ELOVL2: variants seen among roughly 807,000 people sequenced by gnomAD.
The protein encoded by ELOVL2 is ELOVL fatty acid elongase 2, also known as very long chain fatty acid elongase 2.
ELOVL2 carries 38 observed loss-of-function variants against 37.7 expected under a neutral mutation model. That is an observed-to-expected ratio of 1.01 (90% CI 0.78 to 1.32). The LOEUF is 1.32. Among genes scored for constraint, ELOVL2 ranks in the 40% most tolerant of loss-of-function variants. The pLI is 0.00. For missense variants in ELOVL2, 352 were observed against 363.6 expected, an observed-to-expected ratio of 0.97 and a Z score of 0.26; for synonymous variants, 115 against 122.3, an observed-to-expected ratio of 0.94 and a Z score of 0.40.
intron 1 of ELOVL2, among the ~76,000 whole-genome samples, chr6:11,036,747 C>G (rs1783011393): frequency 6.6e-6 from 1 of 152,160 alleles, no homozygotes; most frequent in Non-Finnish European, 1.5e-5. Context: ...GTATTGGCTT[C>G]CTGTTTGTCC....
intron 1 of ELOVL2, among the ~76,000 whole-genome samples, chr6:11,024,085 T>C (rs1782807038): frequency 6.6e-6 from 1 of 152,184 alleles, no homozygotes; most frequent in Non-Finnish European, 1.5e-5. Flanking sequence ...GACAACTCTA[T>C]GGAGGGAGGG....
At chr6:10,995,776 CTA>C (rs911210435) in intron 4 of ELOVL2, among the ~76,000 whole-genome samples, 11 of 152,238 alleles carry the variant, frequency 7.2e-5, no homozygotes, top group Non-Finnish European at 1.5e-4. Flanking sequence ...TGTTACGAAT[CTA>C]TCAATAGATT....
intron 1 of ELOVL2, among the ~76,000 whole-genome samples, chr6:11,035,514 G>A (rs1181237113): frequency 1.3e-5 from 2 of 152,146 alleles, no homozygotes; most frequent in African/African-American, 2.4e-5. Flanking sequence ...GAGTACTGTG[G>A]TGTCACACAG....
At chr6:10,992,725 T>C (rs1581860084) in intron 5 of ELOVL2, among the ~76,000 whole-genome samples, 2 of 149,316 alleles carry the variant, frequency 1.3e-5, no homozygotes, top group Non-Finnish European at 3.0e-5. Flanking sequence ...GAGGCAGAGG[T>C]TGCAGTGAGC....
chr6:10,990,208 A>C, intron 6 of ELOVL2, 110 bp downstream of exon 6: 1 of 1,418,746 alleles, frequency 7.0e-7, no homozygotes, highest in Non-Finnish European at 9.5e-7. Context: ...TTTTGGAAAA[A>C]AAATGGGCAG....
chr6:11,022,337 C>T (rs189416110), intron 1 of ELOVL2, among the ~76,000 whole-genome samples: 4 of 152,214 alleles, frequency 2.6e-5, no homozygotes, highest in Admixed American at 2.0e-4. Context: ...AGCAGGCAGC[C>T]GGCACTCCAC....
intron 4 of ELOVL2, among the ~76,000 whole-genome samples, chr6:10,999,777 C>T (rs144416757): frequency 1.4e-4 from 22 of 152,270 alleles, no homozygotes; most frequent in Admixed American, 4.6e-4. Flanking sequence ...AGGGTGCTAT[C>T]CTATAAACAC....
chr6:11,032,342 CAAAAAAAAAA>C (rs4053074), intron 1 of ELOVL2, among the ~76,000 whole-genome samples: 19 of 119,218 alleles, frequency 1.6e-4, no homozygotes, highest in African/African-American at 5.1e-4. Flanking sequence ...GTTTCCTATA[CAAAAAAAAAA>C]AAAAAAAAAA....
chr6:11,020,230 GAAAT>G (rs1457453022), intron 1 of ELOVL2, among the ~76,000 whole-genome samples: 5 of 152,020 alleles, frequency 3.3e-5, no homozygotes, highest in Non-Finnish European at 2.9e-5. Context: ...CTATCCACTT[GAAAT>G]AAAAGGTGAG....
chr6:11,031,207 C>T lies in ELOVL2; in HGVS notation c.3+13021G>A, dbSNP rs763746228. Reference sequence around the variant, plus strand: ...CCACCTCCTTACTAATGGATATATTCGGTTATTTCCCATTTTTCTGCTATT... The same window carrying T: ...CCACCTCCTTACTAATGGATATATTTGGTTATTTCCCATTTTTCTGCTATT... On this transcript the variant is annotated intron_variant, in intron 1 of 7. Transcript: ENST00000354666. 5.9e-5 allele frequency among the ~76,000 whole-genome samples: 9 copies of T among 152,146 alleles called. No individual in the cohort carries two copies. The South Asian group carries it at 1.0e-3, about 18-fold the overall frequency.
chr6:11,023,413 A>G (rs1488873409), intron 1 of ELOVL2, among the ~76,000 whole-genome samples: 1 of 152,200 alleles, frequency 6.6e-6, no homozygotes, highest in African/African-American at 2.4e-5. Flanking sequence ...TGGAAAAAAT[A>G]TGGGCCAAAT....
intron 1 of ELOVL2, among the ~76,000 whole-genome samples, chr6:11,016,172 T>TG (rs1782682513): frequency 6.6e-6 from 1 of 152,170 alleles, no homozygotes; most frequent in Non-Finnish European, 1.5e-5. Context: ...CTTCCCCTTC[T>TG]CCCTTCCTTT....
intron 5 of ELOVL2, among the ~76,000 whole-genome samples, chr6:10,990,667 G>GCCCCCC (rs372558428): frequency 5.6e-5 from 8 of 143,108 alleles, no homozygotes; most frequent in African/African-American, 2.1e-4. Context: ...TTTTCAGAAT[G>GCCCCCC]CCCCCCCCCC....
intron 2 of ELOVL2, among the ~76,000 whole-genome samples, chr6:11,009,634 A>G (rs1028140689): frequency 3.7e-4 from 57 of 152,224 alleles, no homozygotes; most frequent in African/African-American, 1.3e-3. Flanking sequence ...ATAGCACGTA[A>G]AAGAATTTTA....
chr6:10,999,716 T>C (rs1265789445), intron 4 of ELOVL2, among the ~76,000 whole-genome samples: 1 of 152,186 alleles, frequency 6.6e-6, no homozygotes, highest in Non-Finnish European at 1.5e-5. Context: ...CTCGTTTCTT[T>C]TTAAAAATAT....
chr6:11,001,230 G>C (rs1782374776), intron 3 of ELOVL2, among the ~76,000 whole-genome samples: 3 of 152,180 alleles, frequency 2.0e-5, no homozygotes, highest in Admixed American at 6.5e-5. Context: ...CTTCTTCACT[G>C]TCCTGATATA....
intron 1 of ELOVL2, among the ~76,000 whole-genome samples, chr6:11,023,374 A>G (rs1782792497): frequency 2.0e-5 from 3 of 152,236 alleles, no homozygotes; most frequent in African/African-American, 7.2e-5. Context: ...TTTGAATATG[A>G]AAACAAAGGA....
intron 1 of ELOVL2, among the ~76,000 whole-genome samples, chr6:11,039,618 A>G (rs1783070159): frequency 6.8e-6 from 1 of 147,420 alleles, no homozygotes; most frequent in African/African-American, 2.7e-5. Context: ...GAAACATAAA[A>G]TAAATAGTCA....
intron 2 of ELOVL2, among the ~76,000 whole-genome samples, chr6:11,006,806 A>G (rs1165785314): frequency 2.6e-5 from 4 of 152,268 alleles, no homozygotes; most frequent in Admixed American, 6.5e-5. Flanking sequence ...ATCACCTGTC[A>G]TAAGTCTGTG....
Sources: allele counts gnomAD v4.1 joint callset (sites outside exome capture counted in the v4.1 genomes callset), GRCh38; gene constraint gnomAD v4.1.1; transcripts MANE v1.5; gene names NCBI Gene and HGNC (gene_info 2026-07-23, HGNC 2026-07-21).